Variants in KIFAP3 observed in about 807,000 individuals in gnomAD.
KIFAP3 encodes kinesin-associated protein 3.
A neutral mutation model predicts 106.5 loss-of-function variants in KIFAP3; 68 were observed. That is an observed-to-expected ratio of 0.64 (90% confidence interval 0.53 to 0.78). The LOEUF is 0.78. Among genes scored for constraint, KIFAP3 ranks in the 30% least tolerant of loss-of-function variants. The probability of loss-of-function intolerance (pLI) is 0.00; values close to 1 mark genes in which losing one functional copy is unlikely to be tolerated. For synonymous variants in KIFAP3, 320 were observed against 311.5 expected (o/e 1.03, Z -0.29); for missense variants, 780 against 941.8 (o/e 0.83, Z 2.25).
intron 19 of KIFAP3, among the ~76,000 whole-genome samples, chr1:169,941,905 G>A (rs1284009383): frequency 2.6e-5 from 4 of 152,140 alleles, no homozygotes; most frequent in African/African-American, 9.7e-5. Flanking sequence ...CTATGAGGAT[G>A]CACATATTAA....
chr1:170,050,804 G>T (rs1670538776), intron 2 of KIFAP3, among the ~76,000 whole-genome samples: 1 of 152,100 alleles, frequency 6.6e-6, no homozygotes, highest in South Asian at 2.1e-4. Flanking sequence ...GAGGGATTCT[G>T]TCACAACCAA....
chr1:169,921,530 T>C lies in KIFAP3; in HGVS notation c.*146A>G, dbSNP rs1169608003. The C allele has an allele frequency of 1.7e-6, 1 of 605,070 alleles. No homozygotes were observed. The highest frequency in any genetic ancestry group is 1.9e-5 in the African/African-American group (1 of 54,010). The allele number at this position is 605,070 out of a possible 1,614,324, so 37.5% of individuals were successfully genotyped here. On this transcript the variant is annotated 3_prime_UTR_variant, in exon 20 of 20. Transcript: ENST00000361580. Reference sequence around the variant, plus strand: ...TAACAGAAGACAGAGGGGCTGGGGTTAATCTGCAGCTAACAACATATAAAA... The same window carrying C: ...TAACAGAAGACAGAGGGGCTGGGGTCAATCTGCAGCTAACAACATATAAAA...
At chr1:169,963,938 A>C (rs1219627329) in intron 17 of KIFAP3, among the ~76,000 whole-genome samples, 1 of 152,190 alleles carries the variant, frequency 6.6e-6, no homozygotes, top group Non-Finnish European at 1.5e-5. Flanking sequence ...TATTCAACTG[A>C]TAGTTTTAAT....
At chr1:169,972,943 G>C (rs1293824823) in intron 16 of KIFAP3, among the ~76,000 whole-genome samples, 1 of 151,114 alleles carries the variant, frequency 6.6e-6, no homozygotes, top group Non-Finnish European at 1.5e-5. Context: ...AATGCTTCTT[G>C]ATCTATCCTG....
chr1:169,986,376 C>T (rs1171761582), intron 11 of KIFAP3, among the ~76,000 whole-genome samples: 1 of 151,916 alleles, frequency 6.6e-6, no homozygotes, highest in Non-Finnish European at 1.5e-5. Flanking sequence ...ATACACTGAT[C>T]TGTATGCTGA....
At chr1:170,021,941 C>CTTTTTTTTTTTT (rs71125221) in intron 9 of KIFAP3, among the ~76,000 whole-genome samples, 6 of 77,886 alleles carry the variant, frequency 7.7e-5, no homozygotes, top group Non-Finnish European at 1.0e-4. Flanking sequence ...TCTTTTCTTT[C>CTTTTTTTTTTTT]TTTTTTTTTT....
chr1:169,994,748 A>G (rs1175307364), intron 10 of KIFAP3, among the ~76,000 whole-genome samples: 1 of 151,916 alleles, frequency 6.6e-6, no homozygotes, highest in Non-Finnish European at 1.5e-5. Context: ...TTATTTATAG[A>G]AAAATTAAAT....
intron 19 of KIFAP3, among the ~76,000 whole-genome samples, chr1:169,943,657 G>A (rs1158863152): frequency 6.6e-6 from 1 of 152,020 alleles, no homozygotes. Flanking sequence ...TACAATAAGA[G>A]CATTTCTAGG....
intron 15 of KIFAP3, among the ~76,000 whole-genome samples, chr1:169,979,425 A>G (rs1558214907): frequency 2.0e-5 from 3 of 152,212 alleles, no homozygotes; most frequent in Non-Finnish European, 2.9e-5. Flanking sequence ...AATGAATTAT[A>G]TTAAGGAACT....
chr1:169,957,943 G>C (rs1205729639), intron 18 of KIFAP3: 3 of 152,214 alleles, frequency 2.0e-5, no homozygotes, highest in Non-Finnish European at 4.4e-5. Flanking sequence ...TTTTCTTAAA[G>C]AGACAGGGTC....
intron 19 of KIFAP3, among the ~76,000 whole-genome samples, chr1:169,945,079 C>A (rs965334457): frequency 3.3e-5 from 5 of 152,112 alleles, no homozygotes; most frequent in Admixed American, 2.6e-4. Flanking sequence ...ACCTTCAGCA[C>A]CCCCTGGCCT....
In KIFAP3 at chr1:169,953,908, C is replaced by A. The variant is rs1055305679; in HGVS notation, c.2273+103G>T. 22 of 776,894 alleles carry A rather than the reference C, an allele frequency of 2.8e-5. 1 individual carries two copies. The South Asian group carries it at 3.3e-4, about 12-fold the overall frequency. The allele number at this position is 776,894 out of a possible 1,614,324, so 48.1% of individuals were successfully genotyped here. ...CCTTGAAAAGATTGAGGGTTTTTTC[C>A]CCCCTCTTAATGAAAAAGAAGAGAA... On this transcript the variant is annotated intron_variant, in intron 19 of 19. Coordinates refer to ENST00000361580, the MANE Select transcript of KIFAP3 (RefSeq NM_014970.4).
chr1:170,003,299 C>A (rs757030744), intron 10 of KIFAP3, among the ~76,000 whole-genome samples: 24 of 152,150 alleles, frequency 1.6e-4, no homozygotes, highest in Non-Finnish European at 3.1e-4. Context: ...TTGAGTATCA[C>A]TGTATTAGAA....
intron 19 of KIFAP3, among the ~76,000 whole-genome samples, chr1:169,937,413 C>CA (rs1237455285): frequency 6.6e-6 from 1 of 151,614 alleles, no homozygotes; most frequent in Non-Finnish European, 1.5e-5. Context: ...GCAGCAATAA[C>CA]AACATAAAAA....
intron 10 of KIFAP3, among the ~76,000 whole-genome samples, chr1:170,010,548 C>T (rs1346075332): frequency 6.6e-6 from 1 of 151,826 alleles, no homozygotes; most frequent in African/African-American, 2.4e-5. Flanking sequence ...AATCACAGAA[C>T]CTTAATTTTA....
chr1:169,924,286 G>C (rs922223600), intron 19 of KIFAP3, among the ~76,000 whole-genome samples: 1 of 152,176 alleles, frequency 6.6e-6, no homozygotes, highest in Non-Finnish European at 1.5e-5. Flanking sequence ...CTATGGTAAA[G>C]ATCTATTTAT....
intron 19 of KIFAP3, among the ~76,000 whole-genome samples, chr1:169,949,860 T>C (rs1227220101): frequency 1.3e-5 from 2 of 152,092 alleles, no homozygotes; most frequent in Non-Finnish European, 2.9e-5. Flanking sequence ...TAGTGACACA[T>C]GTCTAAAACC....
At chr1:170,038,539 T>C in intron 4 of KIFAP3, 108 bp from the exon 5 acceptor site, 1 of 1,181,550 alleles carries the variant, frequency 8.5e-7, no homozygotes, top group Non-Finnish European at 1.2e-6. Flanking sequence ...ACACACAAAT[T>C]TCCAAAGAAC....
chr1:169,968,038 A>G (rs1349032813), intron 17 of KIFAP3, among the ~76,000 whole-genome samples: 1 of 151,866 alleles, frequency 6.6e-6, no homozygotes, highest in African/African-American at 2.4e-5. Context: ...TTTTTGAAAT[A>G]CTTCTTTTCA....
Sources: allele counts gnomAD v4.1 joint callset (sites outside exome capture counted in the v4.1 genomes callset), GRCh38; gene constraint gnomAD v4.1.1; transcripts MANE v1.5; gene names NCBI Gene and HGNC (gene_info 2026-07-23, HGNC 2026-07-21).